NHS: variants seen among roughly 807,000 people sequenced by gnomAD.
NHS encodes actin remodeling regulator NHS.
Under a neutral mutation model 72.5 loss-of-function variants are expected in NHS, and 5 were observed. The ratio of observed to expected loss-of-function variants is 0.07; its 90% CI spans 0.04 to 0.14. NHS has a LOEUF of 0.14. Ranked by LOEUF, NHS falls within the 10% of genes least tolerant of loss-of-function variation. The pLI is 1.00. For missense variants in NHS, 1,072 were observed against 1,355.7 expected, an observed-to-expected ratio of 0.79 and a Z score of 3.29; for synonymous variants, 464 against 547.7, an observed-to-expected ratio of 0.85 and a Z score of 2.13.
intron 1 of NHS, among the ~76,000 whole-genome samples, chrX:17,615,097 TATATATGTATATATATATATACACAC>T (rs1168404692): frequency 2.0e-5 from 2 of 98,448 alleles, no homozygotes; most frequent in Non-Finnish European, 4.0e-5. Context: ...TGTGTGTATA[TATATATGTATATATATATATACACAC>T]ATATACATAT....
At chrX:17,702,172 AATT>A (rs1261032683) in intron 3 of NHS, among the ~76,000 whole-genome samples, 5 of 110,770 alleles carry the variant, frequency 4.5e-5, no homozygotes, top group Non-Finnish European at 9.4e-5. Flanking sequence ...ATAAATAAAT[AATT>A]ATCATCAACC....
intron 1 of NHS, among the ~76,000 whole-genome samples, chrX:17,501,835 A>G (rs932166977): frequency 1.8e-5 from 2 of 112,394 alleles, no homozygotes; most frequent in East Asian, 5.6e-4. Context: ...GAAACCAAGT[A>G]TATAGATTTG....
chrX:17,581,483 A>AT (rs1425183222), intron 1 of NHS, among the ~76,000 whole-genome samples: 2 of 111,709 alleles, frequency 1.8e-5, no homozygotes, highest in Non-Finnish European at 3.8e-5. Flanking sequence ...ACCACCAGCC[A>AT]TGAAGGGAAC....
chrX:17,534,051 A>G (rs142326794), intron 1 of NHS, among the ~76,000 whole-genome samples: 1 of 111,929 alleles, frequency 8.9e-6, no homozygotes, highest in African/African-American at 3.3e-5. Flanking sequence ...TCTCTAACCT[A>G]CTGAGAGGAA....
At chrX:17,445,963 A>T (rs193175301) in intron 1 of NHS, among the ~76,000 whole-genome samples, 1 of 110,506 alleles carries the variant, frequency 9.0e-6, no homozygotes, top group East Asian at 2.9e-4. Context: ...GGTCCTCCCA[A>T]TTCTTAGTCT....
chrX:17,503,130 A>T (rs1289183116), intron 1 of NHS, among the ~76,000 whole-genome samples: 2 of 112,330 alleles, frequency 1.8e-5, no homozygotes, highest in African/African-American at 6.5e-5. Flanking sequence ...GCCCTTATAA[A>T]TTTTTAAATG....
At chrX:17,698,466 G>T (rs967078799) in intron 3 of NHS, among the ~76,000 whole-genome samples, 2 of 111,826 alleles carry the variant, frequency 1.8e-5, no homozygotes, top group African/African-American at 6.5e-5. Flanking sequence ...AAGGAGCCAT[G>T]CCACTAAAAA....
intron 1 of NHS, among the ~76,000 whole-genome samples, chrX:17,565,317 C>T (rs925178698): frequency 7.2e-5 from 8 of 111,886 alleles, no homozygotes; most frequent in Admixed American, 6.6e-4. Flanking sequence ...GTCTGCTGAC[C>T]CTCCAGCCAA....
At chrX:17,654,966 C>T (rs1460672488) in intron 1 of NHS, among the ~76,000 whole-genome samples, 3 of 112,152 alleles carry the variant, frequency 2.7e-5, no homozygotes, top group Non-Finnish European at 5.6e-5. Context: ...TTTAGTAAAT[C>T]GCCGCTCCCT....
chrX:17,732,476 C>G lies in NHS; in HGVS notation c.*12C>G. The G allele has an allele frequency of 8.2e-7, 1 of 1,212,497 alleles. No individual in the cohort carries two copies. Among genetic ancestry groups the G allele is most frequent in the Non-Finnish European group, 1.1e-6 (1 of 895,679 alleles). On this transcript the variant is annotated 3_prime_UTR_variant, in exon 9 of 9. Transcript: ENST00000676302. ...AGAGTTCAACATAGACTGCCTGTAC[C>G]AGGCTGCCTGGCAAAGGCCAAAACC...
chrX:17,540,926 G>A (rs1438736289), intron 1 of NHS, among the ~76,000 whole-genome samples: 1 of 111,438 alleles, frequency 9.0e-6, no homozygotes, highest in Non-Finnish European at 1.9e-5. Flanking sequence ...CAAAAAATTA[G>A]CTGGGCATGG....
At chrX:17,718,783 G>A (rs2066384213) in intron 3 of NHS, among the ~76,000 whole-genome samples, 1 of 85,999 alleles carries the variant, frequency 1.2e-5, no homozygotes, top group Admixed American at 1.4e-4. Flanking sequence ...AAGGAAGGAA[G>A]GAGGGAAAGA....
intron 1 of NHS, among the ~76,000 whole-genome samples, chrX:17,458,618 G>A (rs1382483843): frequency 1.8e-5 from 2 of 110,601 alleles, no homozygotes; most frequent in South Asian, 3.9e-4. Flanking sequence ...TCAGCTTCCC[G>A]AGTAGCTGGG....
intron 1 of NHS, among the ~76,000 whole-genome samples, chrX:17,460,362 G>A (rs1028711461): frequency 9.0e-6 from 1 of 111,190 alleles, no homozygotes; most frequent in Admixed American, 9.6e-5. Flanking sequence ...GAGACCCCAG[G>A]AAACTTAAAA....
At chrX:17,708,308 A>G (rs1405680834) in intron 3 of NHS, among the ~76,000 whole-genome samples, 1 of 111,824 alleles carries the variant, frequency 8.9e-6, no homozygotes, top group African/African-American at 3.3e-5. Context: ...CTTTCGAGAT[A>G]GATTTCCCAC....
intron 1 of NHS, among the ~76,000 whole-genome samples, chrX:17,614,149 G>A (rs1244410095): frequency 8.9e-6 from 1 of 112,187 alleles, no homozygotes; most frequent in African/African-American, 3.2e-5. Flanking sequence ...AATACAGGGA[G>A]AGAGAGAGGA....
At chrX:17,590,351 A>C (rs954800677) in intron 1 of NHS, among the ~76,000 whole-genome samples, 3 of 112,182 alleles carry the variant, frequency 2.7e-5, no homozygotes, top group Non-Finnish European at 5.6e-5. Context: ...ATCTGGAATA[A>C]ATAACATTGG....
rs781611486 is a variant in NHS, at chrX:17,692,376, G to A, written c.760G>A (p.Ala254Thr). 8.3e-7 allele frequency: 1 copy of A among 1,210,705 alleles called. No homozygotes were observed. The highest frequency in any genetic ancestry group is 1.1e-6 in the Non-Finnish European group (1 of 895,178). The change falls in exon 3 of 9, where the codon GCC (alanine) becomes ACC (threonine). Residue 254 changes from alanine to threonine, a missense_variant. By Grantham distance (58) the Ala-to-Thr change is moderately conservative. Coordinates refer to ENST00000676302, the MANE Select transcript of NHS (RefSeq NM_001291867.2). ...RSDRREQRAA[A>T]PLSIAAPPLP... ...CGATCGCCGAGAGCAAAGAGCAGCT[G>A]CCCCCCTTTCCATTGCAGCTCCTCC...
intron 1 of NHS, among the ~76,000 whole-genome samples, chrX:17,600,288 G>GAC (rs746140839): frequency 3.8e-5 from 4 of 104,506 alleles, no homozygotes; most frequent in Non-Finnish European, 7.9e-5. Context: ...GAGAGAGACA[G>GAC]AGAGAGAGAG....
Sources: gnomAD v4.1 joint callset for allele counts (sites outside exome capture counted in the v4.1 genomes callset) on GRCh38, gnomAD v4.1.1 for gene constraint, MANE v1.5 for transcripts, NCBI Gene and HGNC (gene_info 2026-07-23, HGNC 2026-07-21) for gene names.